The following PRR16 variants were observed in gnomAD, a reference collection of about 807,000 sequenced individuals.
The protein encoded by PRR16 is protein Largen.
In PRR16, 6 loss-of-function variants were observed where a neutral mutation model predicts 18.2. The observed-to-expected ratio is 0.33, with a 90% CI of 0.18 to 0.65. PRR16 has a LOEUF of 0.65. Ranked by LOEUF, PRR16 falls within the 30% of genes least tolerant of loss-of-function variation. PRR16 has a pLI of 0.74. For missense variants in PRR16, 412 were observed against 376.6 expected (o/e 1.09, Z -0.78); for synonymous variants, 151 against 147.8 (o/e 1.02, Z -0.16).
the PRR16 span, among the ~76,000 whole-genome samples, chr5:120,759,968 C>G: frequency 6.6e-6 from 1 of 152,236 alleles, no homozygotes; most frequent in East Asian, 1.9e-4. Context: ...TAATATTGCT[C>G]TCTGAAGGGG....
intron 1 of PRR16, among the ~76,000 whole-genome samples, chr5:120,534,356 T>C (rs544843189): frequency 5.3e-5 from 8 of 152,266 alleles, no homozygotes; most frequent in Non-Finnish European, 1.2e-4. Context: ...TTTCCTTTTA[T>C]CTGTTACATT....
At chr5:120,554,139 G>A (rs1223617803) in intron 1 of PRR16, among the ~76,000 whole-genome samples, 6 of 151,906 alleles carry the variant, frequency 3.9e-5, no homozygotes, top group African/African-American at 1.4e-4. Context: ...GAAAGAACCA[G>A]ATGCGTAGGC....
chr5:120,780,328 T>C, the PRR16 span, among the ~76,000 whole-genome samples: 97 of 152,332 alleles, frequency 6.4e-4, no homozygotes, highest in Admixed American at 1.2e-3. Context: ...TAATATTGCT[T>C]AATTCCTGTA....
chr5:120,677,248 G>A (rs1756828496), intron 1 of PRR16, among the ~76,000 whole-genome samples: 1 of 152,014 alleles, frequency 6.6e-6, no homozygotes, highest in African/African-American at 2.4e-5. Flanking sequence ...TGAACTCAGG[G>A]CAAAGTGGCC....
intron 1 of PRR16, among the ~76,000 whole-genome samples, chr5:120,532,403 A>G (rs535503607): frequency 1.3e-5 from 2 of 152,262 alleles, no homozygotes; most frequent in African/African-American, 2.4e-5. Flanking sequence ...ATCAAGGACT[A>G]GTAGGATAAC....
At chr5:120,781,006 C>T in the PRR16 span, among the ~76,000 whole-genome samples, 5 of 152,152 alleles carry the variant, frequency 3.3e-5, no homozygotes, top group South Asian at 2.1e-4. Flanking sequence ...GCCGAGATCG[C>T]GCCACTGCCC....
the PRR16 span, among the ~76,000 whole-genome samples, chr5:120,715,368 C>G: frequency 4.6e-5 from 7 of 152,132 alleles, no homozygotes; most frequent in Non-Finnish European, 8.8e-5. Flanking sequence ...ACGTTTATAG[C>G]CCTTACTACT....
At chr5:120,717,092 TGTTAA>T in the PRR16 span, among the ~76,000 whole-genome samples, 8,636 of 152,252 alleles carry the variant, frequency 0.057, 313 homozygotes, top group South Asian at 0.083. Context: ...AGTATTTTGA[TGTTAA>T]GTTGTTTTAT....
intron 1 of PRR16, among the ~76,000 whole-genome samples, chr5:120,656,593 A>G (rs1755986481): frequency 1.3e-5 from 2 of 151,920 alleles, no homozygotes; most frequent in African/African-American, 2.4e-5. Context: ...AAAATATGCT[A>G]TGAAAAGCAC....
At chr5:120,771,011 A>G in the PRR16 span, among the ~76,000 whole-genome samples, 1 of 142,608 alleles carries the variant, frequency 7.0e-6, no homozygotes, top group Non-Finnish European at 1.6e-5. Context: ...TATCTTTATT[A>G]TTGGATTTGA....
chr5:120,682,754 G>T (rs1757009992), intron 1 of PRR16, among the ~76,000 whole-genome samples: 1 of 152,138 alleles, frequency 6.6e-6, no homozygotes, highest in Admixed American at 6.5e-5. Context: ...GGTCATTTAT[G>T]GATAAATTCT....
chr5:120,519,030 A>T (rs1751087236), intron 1 of PRR16, among the ~76,000 whole-genome samples: 1 of 152,136 alleles, frequency 6.6e-6, no homozygotes, highest in South Asian at 2.1e-4. Context: ...GTTTGGCGAT[A>T]AATAAGCCTA....
intron 1 of PRR16, among the ~76,000 whole-genome samples, chr5:120,680,387 A>G (rs1756933976): frequency 6.6e-6 from 1 of 152,172 alleles, no homozygotes; most frequent in African/African-American, 2.4e-5. Context: ...GCTGATACAT[A>G]TAGAACTAGT....
At chr5:120,531,768 C>A (rs570552560) in intron 1 of PRR16, among the ~76,000 whole-genome samples, 1 of 152,054 alleles carries the variant, frequency 6.6e-6, no homozygotes, top group South Asian at 2.1e-4. Flanking sequence ...GGGAATATCT[C>A]CCAAGCAGAA....
Position 120,654,434 on chromosome 5 carries a change from T to G in PRR16, c.160-31520T>G, listed in dbSNP as rs192555167. ...TTTAATGGCCTTTTTTTCCCTAGTA[T>G]ATAACAAACTACTTGACACATAAGA... On this transcript the variant is annotated intron_variant, in intron 1 of 1. Coordinates refer to ENST00000407149, the MANE Select transcript of PRR16 (RefSeq NM_001300783.2). 3.4e-3 allele frequency among the ~76,000 whole-genome samples: 521 copies of G among 151,982 alleles called. 2 individuals carry two copies. Among genetic ancestry groups the G allele is most frequent in the Non-Finnish European group, 5.0e-3 (337 of 67,910 alleles).
intron 1 of PRR16, among the ~76,000 whole-genome samples, chr5:120,475,186 A>T (rs1268006706): frequency 6.6e-6 from 1 of 152,172 alleles, no homozygotes; most frequent in Non-Finnish European, 1.5e-5. Context: ...AGAGAGGTTA[A>T]TTAAGAGCAA....
At chr5:120,526,350 C>G (rs1012263601) in intron 1 of PRR16, among the ~76,000 whole-genome samples, 1 of 152,162 alleles carries the variant, frequency 6.6e-6, no homozygotes, top group African/African-American at 2.4e-5. Flanking sequence ...CATATCATGA[C>G]TTTCAGATCT....
chr5:120,530,925 A>G (rs1751530468), intron 1 of PRR16, among the ~76,000 whole-genome samples: 1 of 152,182 alleles, frequency 6.6e-6, no homozygotes, highest in African/African-American at 2.4e-5. Flanking sequence ...GAATCTTGCA[A>G]TTTTACCTAT....
the PRR16 span, among the ~76,000 whole-genome samples, chr5:120,759,196 T>C: frequency 4.6e-5 from 7 of 151,976 alleles, no homozygotes; most frequent in Non-Finnish European, 7.4e-5. Context: ...CAGGATGGTA[T>C]TGATCTCCTG....
Sources: gnomAD v4.1 joint callset for allele counts (sites outside exome capture counted in the v4.1 genomes callset) on GRCh38, gnomAD v4.1.1 for gene constraint, MANE v1.5 for transcripts, NCBI Gene and HGNC (gene_info 2026-07-23, HGNC 2026-07-21) for gene names.